DSCAM: variants seen among roughly 807,000 people sequenced by gnomAD.
DSCAM encodes cell adhesion molecule DSCAM.
DSCAM carries 47 observed loss-of-function variants against 217.7 expected under a neutral mutation model. The ratio of observed to expected loss-of-function variants is 0.22; its 90% CI spans 0.17 to 0.28. The LOEUF is 0.28. Ranked by LOEUF, DSCAM falls within the 10% of genes least tolerant of loss-of-function variation. The probability of loss-of-function intolerance (pLI) is 1.00; values close to 1 mark genes in which losing one functional copy is unlikely to be tolerated. For synonymous variants in DSCAM, 1,056 were observed against 1,015.3 expected, an observed-to-expected ratio of 1.04 and a Z score of -0.76; for missense variants, 2,080 against 2,618.3, an observed-to-expected ratio of 0.79 and a Z score of 4.49.
intron 3 of DSCAM, among the ~76,000 whole-genome samples, chr21:40,545,523 T>C (rs1452584906): frequency 6.6e-6 from 1 of 152,124 alleles, no homozygotes; most frequent in African/African-American, 2.4e-5. Context: ...GCCAGAAATG[T>C]CATGGGAAAC....
intron 1 of DSCAM, among the ~76,000 whole-genome samples, chr21:40,835,737 C>T (rs951772085): frequency 3.9e-4 from 59 of 152,128 alleles, no homozygotes; most frequent in Non-Finnish European, 1.2e-4. Flanking sequence ...ATTTAGGCCT[C>T]TCTCCAGCAC....
intron 3 of DSCAM, among the ~76,000 whole-genome samples, chr21:40,456,753 A>G (rs1429660745): frequency 6.6e-6 from 1 of 152,202 alleles, no homozygotes; most frequent in Non-Finnish European, 1.5e-5. Flanking sequence ...TAATAGGTAA[A>G]GCAAATATTG....
chr21:40,020,320 C>T (rs974860096), intron 32 of DSCAM, among the ~76,000 whole-genome samples: 12 of 152,176 alleles, frequency 7.9e-5, no homozygotes, highest in African/African-American at 2.7e-4. Flanking sequence ...ATAAATTACC[C>T]AGTCTCAGGC....
intron 4 of DSCAM, among the ~76,000 whole-genome samples, chr21:40,367,814 T>C (rs1433167976): frequency 6.6e-6 from 1 of 152,194 alleles, no homozygotes; most frequent in Non-Finnish European, 1.5e-5. Context: ...ATTCCCTGGC[T>C]GGATTATACA....
At chr21:40,668,727 G>A (rs555209011) in intron 3 of DSCAM, among the ~76,000 whole-genome samples, 1 of 152,258 alleles carries the variant, frequency 6.6e-6, no homozygotes, top group South Asian at 2.1e-4. Flanking sequence ...TGAATTAATA[G>A]ATTGTATTAC....
intron 1 of DSCAM, among the ~76,000 whole-genome samples, chr21:40,726,584 A>G (rs779903033): frequency 1.3e-5 from 2 of 152,072 alleles, no homozygotes; most frequent in Non-Finnish European, 2.9e-5. Context: ...CAAAGTCTGT[A>G]AGTGAGTGTG....
intron 3 of DSCAM, among the ~76,000 whole-genome samples, chr21:40,484,543 T>C (rs1234039127): frequency 6.6e-6 from 1 of 152,178 alleles, no homozygotes; most frequent in Non-Finnish European, 1.5e-5. Flanking sequence ...AAATAAAATA[T>C]TTGACTCAAT....
intron 27 of DSCAM, among the ~76,000 whole-genome samples, chr21:40,070,829 C>G (rs1271418874): frequency 2.8e-4 from 43 of 152,170 alleles, no homozygotes; most frequent in Admixed American, 2.8e-3. Flanking sequence ...TGCATAGCAC[C>G]ATGAACCCAG....
chr21:40,293,804 G>A (rs897798075), intron 10 of DSCAM, among the ~76,000 whole-genome samples: 1 of 151,910 alleles, frequency 6.6e-6, no homozygotes, highest in Admixed American at 6.6e-5. Context: ...CAGCCTGGGC[G>A]ACAGAGCAAG....
rs527939129 is a variant in DSCAM, at chr21:40,560,623, C to T, written c.508+132187G>A. ...AAAGGCATTTAATACCTCTAACATA[C>T]TGAACATCATAGCTTAGCCTAGCCT... On this transcript the variant is annotated intron_variant, in intron 3 of 32. Coordinates refer to ENST00000400454, the MANE Select transcript of DSCAM (RefSeq NM_001389.5). Among the ~76,000 whole-genome samples the T allele has an allele frequency of 3.9e-4, 59 of 152,354 alleles. No homozygotes were observed. The South Asian group carries it at 0.012, about 30-fold the overall frequency.
chr21:40,725,707 GCCATCA>G (rs2090948959), intron 1 of DSCAM, among the ~76,000 whole-genome samples: 1 of 152,148 alleles, frequency 6.6e-6, no homozygotes, highest in African/African-American at 2.4e-5. Context: ...GAGAAAAGGT[GCCATCA>G]TTTCTGGGGT....
intron 3 of DSCAM, among the ~76,000 whole-genome samples, chr21:40,378,008 A>G (rs2074980561): frequency 6.6e-6 from 1 of 152,208 alleles, no homozygotes; most frequent in Non-Finnish European, 1.5e-5. Context: ...ATAAAATATG[A>G]TAAAATATTC....
At chr21:40,747,218 G>C (rs947709061) in intron 1 of DSCAM, among the ~76,000 whole-genome samples, 1 of 148,784 alleles carries the variant, frequency 6.7e-6, no homozygotes, top group Non-Finnish European at 1.5e-5. Flanking sequence ...AATCAGAGCA[G>C]AAATAAACAA....
At chr21:40,600,400 T>A (rs1213754597) in intron 3 of DSCAM, among the ~76,000 whole-genome samples, 1 of 152,144 alleles carries the variant, frequency 6.6e-6, no homozygotes, top group Non-Finnish European at 1.5e-5. Context: ...CTCTGGGGTC[T>A]TTATTATATG....
chr21:40,126,271 AGAAAG>A (rs2049464139), intron 19 of DSCAM, among the ~76,000 whole-genome samples: 1 of 151,928 alleles, frequency 6.6e-6, no homozygotes, highest in African/African-American at 2.4e-5. Flanking sequence ...GGAAGAAAAA[AGAAAG>A]GAAGGAAGGA....
At chr21:40,546,472 T>A (rs1332722084) in intron 3 of DSCAM, among the ~76,000 whole-genome samples, 3 of 152,180 alleles carry the variant, frequency 2.0e-5, no homozygotes, top group Non-Finnish European at 4.4e-5. Flanking sequence ...CTTAGGCAAA[T>A]CATGTAGACT....
At chr21:40,140,337 C>T (rs139953240) in intron 18 of DSCAM, among the ~76,000 whole-genome samples, 11 of 152,284 alleles carry the variant, frequency 7.2e-5, no homozygotes, top group Middle Eastern at 3.4e-3. Flanking sequence ...CACTCCCAAG[C>T]ATTTCTTTGT....
intron 3 of DSCAM, among the ~76,000 whole-genome samples, chr21:40,652,799 G>A (rs1352536060): frequency 6.6e-6 from 1 of 152,232 alleles, no homozygotes; most frequent in Non-Finnish European, 1.5e-5. Flanking sequence ...GGCCAGGCAA[G>A]ATTGTTTATG....
intron 3 of DSCAM, among the ~76,000 whole-genome samples, chr21:40,623,540 C>T (rs889545404): frequency 6.6e-6 from 1 of 152,188 alleles, no homozygotes; most frequent in Non-Finnish European, 1.5e-5. Flanking sequence ...AAGGAAACAT[C>T]TTTTGCAACA....
Sources: gnomAD v4.1 joint callset for allele counts (sites outside exome capture counted in the v4.1 genomes callset) on GRCh38, gnomAD v4.1.1 for gene constraint, MANE v1.5 for transcripts, NCBI Gene and HGNC (gene_info 2026-07-23, HGNC 2026-07-21) for gene names.